Variants in ZNF503 observed in about 807,000 individuals in gnomAD.
ZNF503 encodes the protein NocA-like zinc finger 2.
ZNF503 carries 15 observed loss-of-function variants against 34.4 expected under a neutral mutation model. The observed-to-expected ratio is 0.44, with a 90% CI of 0.29 to 0.67. The LOEUF is 0.67. Among genes scored for constraint, ZNF503 ranks in the 30% least tolerant of loss-of-function variants. The pLI is 0.13. For synonymous variants in ZNF503, 580 were observed against 456.8 expected, an observed-to-expected ratio of 1.27 and a Z score of -3.44; for missense variants, 1,007 against 926.8, an observed-to-expected ratio of 1.09 and a Z score of -1.12.
At chr10:75,286,992 T>C in the ZNF503 span, among the ~76,000 whole-genome samples, 1,837 of 152,274 alleles carry the variant, frequency 0.012, 37 homozygotes, top group African/African-American at 0.042. Flanking sequence ...TCATGTGCCC[T>C]GATGTGGAGG....
chr10:75,290,166 T>C, the ZNF503 span, among the ~76,000 whole-genome samples: 1 of 152,192 alleles, frequency 6.6e-6, no homozygotes, highest in Non-Finnish European at 1.5e-5. Flanking sequence ...TGTTGCAGAA[T>C]TCCCTTCCTT....
chr10:75,400,987 C>T (rs981573082), intron 1 of ZNF503, 118 bp downstream of exon 1: 1 of 1,427,768 alleles, frequency 7.0e-7, no homozygotes, highest in Non-Finnish European at 9.5e-7. Flanking sequence ...CCTCTTCCCC[C>T]ATTCGGGAGC....
the ZNF503 span, among the ~76,000 whole-genome samples, chr10:75,293,646 C>CGTGTGT: frequency 1.3e-5 from 2 of 151,068 alleles, no homozygotes; most frequent in Non-Finnish European, 2.9e-5. Flanking sequence ...TGTGTGTGTG[C>CGTGTGT]GTGTGTGTAT....
At chr10:75,283,548 G>A in the ZNF503 span, among the ~76,000 whole-genome samples, 26 of 152,178 alleles carry the variant, frequency 1.7e-4, 1 homozygote, top group African/African-American at 6.0e-4. Flanking sequence ...GAGAACTGTC[G>A]TCCCCTGTAT....
the ZNF503 span, among the ~76,000 whole-genome samples, chr10:75,304,241 T>G: frequency 6.6e-6 from 1 of 152,228 alleles, no homozygotes; most frequent in African/African-American, 2.4e-5. Flanking sequence ...TAAACAAGAC[T>G]GCAGAGAATA....
At chr10:75,364,182 T>C in the ZNF503 span, among the ~76,000 whole-genome samples, 36 of 152,306 alleles carry the variant, frequency 2.4e-4, no homozygotes, top group South Asian at 7.3e-3. Context: ...CATTCTGAGA[T>C]AGTAAATGGG....
the ZNF503 span, among the ~76,000 whole-genome samples, chr10:75,303,589 T>G: frequency 1.3e-5 from 2 of 152,278 alleles, no homozygotes; most frequent in South Asian, 2.1e-4. Flanking sequence ...TTCACACTTG[T>G]GTCTGTCTGG....
chr10:75,394,905 G>A (rs186358133), downstream of ZNF503, among the ~76,000 whole-genome samples: 334 of 152,334 alleles, frequency 2.2e-3, 2 homozygotes, highest in African/African-American at 7.8e-3. Context: ...TCTATGCGGA[G>A]TTACCCAGCA....
Position 75,399,433 on chromosome 10 carries a change from C to T in ZNF503, c.1257G>A (p.Pro419=), listed in dbSNP as rs776297115. The part of the protein sequence containing the change: ...GSSPLAGASP[P]SVMTASLCRD... ...GGCACAAACTGGCTGTCATCACGGA[C>T]GGCGGAGACGCTCCGGCCAAAGGGC... is the stretch of plus-strand genomic sequence containing the variant. The change falls in exon 2 of 2, where the codon CCG becomes CCA. Residue 419 remains proline, a synonymous_variant. Coordinates refer to ENST00000372524, the MANE Select transcript of ZNF503 (RefSeq NM_032772.6). The T allele has an allele frequency of 1.3e-6, 2 of 1,596,900 alleles. No homozygotes were observed. Among genetic ancestry groups the T allele is most frequent in the Non-Finnish European group, 1.7e-6 (2 of 1,176,234 alleles).
chr10:75,300,704 C>CTTTCT, the ZNF503 span, among the ~76,000 whole-genome samples: 37 of 108,748 alleles, frequency 3.4e-4, 1 homozygote, highest in Admixed American at 1.2e-3. Context: ...TTCTTTCTTT[C>CTTTCT]TTTTTTTTTT....
chr10:75,401,673 G>A lies in ZNF503; in HGVS notation c.-254C>T. 2.1e-6 allele frequency: 1 copy of A among 485,586 alleles called. No homozygotes were observed. Among genetic ancestry groups the A allele is most frequent in the Non-Finnish European group, 3.6e-6 (1 of 280,070 alleles). 30.1% of individuals were successfully genotyped at this position (485,586 alleles called of 1,614,324 possible). ...GAGTGCCGGGCGGCTCGCGGTGTCC[G>A]CCTCGGGCTGCTCCCCTGCGCTGCG... On this transcript the variant is annotated 5_prime_UTR_variant, in exon 1 of 2. Coordinates refer to ENST00000372524, the MANE Select transcript of ZNF503 (RefSeq NM_032772.6).
chr10:75,281,800 C>G, the ZNF503 span, among the ~76,000 whole-genome samples: 1 of 152,144 alleles, frequency 6.6e-6, no homozygotes, highest in South Asian at 2.1e-4. Flanking sequence ...ATCCATAGAC[C>G]CGGGTCCAGA....
the ZNF503 span, among the ~76,000 whole-genome samples, chr10:75,381,678 A>G: frequency 6.6e-6 from 1 of 152,004 alleles, no homozygotes; most frequent in Non-Finnish European, 1.5e-5. Context: ...TGATAACTTC[A>G]TGAATTTGCC....
the ZNF503 span, among the ~76,000 whole-genome samples, chr10:75,313,111 G>A: frequency 6.6e-6 from 1 of 152,106 alleles, no homozygotes; most frequent in African/African-American, 2.4e-5. Flanking sequence ...CCCAGCCTCG[G>A]GTATGTCTTT....
chr10:75,316,167 A>C, the ZNF503 span, among the ~76,000 whole-genome samples: 1 of 152,236 alleles, frequency 6.6e-6, no homozygotes, highest in Non-Finnish European at 1.5e-5. Flanking sequence ...TAGAACATCC[A>C]GACAGAAAAT....
chr10:75,292,831 C>T, the ZNF503 span, among the ~76,000 whole-genome samples: 2 of 152,298 alleles, frequency 1.3e-5, no homozygotes, highest in East Asian at 1.9e-4. Context: ...CCTGGGATCT[C>T]GTGTCTGCTT....
At chr10:75,356,018 C>G in the ZNF503 span, among the ~76,000 whole-genome samples, 1 of 152,154 alleles carries the variant, frequency 6.6e-6, no homozygotes, top group South Asian at 2.1e-4. Context: ...AGCTTCCTCA[C>G]AGTATGGCAG....
the ZNF503 span, among the ~76,000 whole-genome samples, chr10:75,360,378 G>A: frequency 2.0e-5 from 3 of 151,830 alleles, no homozygotes; most frequent in Admixed American, 6.6e-5. Context: ...CACCCATCTC[G>A]GCCTCCCAAA....
At chr10:75,383,559 C>T in the ZNF503 span, among the ~76,000 whole-genome samples, 1 of 152,214 alleles carries the variant, frequency 6.6e-6, no homozygotes, top group African/African-American at 2.4e-5. Context: ...ATACCCTCAC[C>T]CAGGCAATCT....
Sources: gnomAD v4.1 joint callset for allele counts (sites outside exome capture counted in the v4.1 genomes callset) on GRCh38, gnomAD v4.1.1 for gene constraint, MANE v1.5 for transcripts, NCBI Gene and HGNC (gene_info 2026-07-23, HGNC 2026-07-21) for gene names.